The following ALPK1 variants were observed in gnomAD, a reference collection of about 807,000 sequenced individuals.
ALPK1 encodes the protein alpha kinase 1.
Under a neutral mutation model 120.6 loss-of-function variants are expected in ALPK1, and 110 were observed. The ratio of observed to expected loss-of-function variants is 0.91; its 90% CI spans 0.78 to 1.07. The LOEUF (loss-of-function observed/expected upper bound fraction) is 1.07. Ranked by LOEUF, ALPK1 falls within the 50% of genes least tolerant of loss-of-function variation. The pLI is 0.00. For missense variants in ALPK1, 1,498 were observed against 1,483.9 expected (o/e 1.01, Z -0.16); for synonymous variants, 582 against 560.3 (o/e 1.04, Z -0.55).
intron 7 of ALPK1, 27 bp downstream of exon 7, chr4:112,425,778 T>C: frequency 6.3e-7 from 1 of 1,575,266 alleles, no homozygotes; most frequent in Admixed American, 1.7e-5. Flanking sequence ...CTTGCATTTC[T>C]CAAGGCTCAT....
In ALPK1 at chr4:112,377,702, T is replaced by C. The variant is rs775080684; in HGVS notation, c.-76T>C. Reference sequence around the variant, plus strand: ...GGTACTTCGGCCTTCAAGGGGCTCCTTTATTGAGAATCAATGTCTTCTCCT... The same window carrying C: ...GGTACTTCGGCCTTCAAGGGGCTCCCTTATTGAGAATCAATGTCTTCTCCT... On this transcript the variant is annotated 5_prime_UTR_variant, in exon 3 of 16. Coordinates refer to ENST00000650871, the MANE Select transcript of ALPK1 (RefSeq NM_025144.4). 43 of 1,400,210 alleles carry C rather than the reference T, an allele frequency of 3.1e-5. No individual in the cohort carries two copies. The highest frequency in any genetic ancestry group is 1.6e-4 in the Admixed American group (7 of 44,032). The allele number at this position is 1,400,210 out of a possible 1,614,324, so 86.7% of individuals were successfully genotyped here.
chr4:112,406,909 A>G (rs1413210355), intron 4 of ALPK1, among the ~76,000 whole-genome samples: 1 of 152,190 alleles, frequency 6.6e-6, no homozygotes. Context: ...ACATTTCTAC[A>G]TGGCTGTCTA....
At chr4:112,325,086 T>C (rs1269836178) in intron 2 of ALPK1, among the ~76,000 whole-genome samples, 1 of 152,104 alleles carries the variant, frequency 6.6e-6, no homozygotes, top group African/African-American at 2.4e-5. Flanking sequence ...GTAGGCTACT[T>C]GGCTTTATAA....
chr4:112,425,519 G>A, intron 6 of ALPK1, 146 bp from the exon 7 acceptor site: 1 of 625,454 alleles, frequency 1.6e-6, no homozygotes, highest in Admixed American at 2.5e-5. Context: ...ACTACAGCAA[G>A]AAGTTTGGAC....
At chr4:112,327,302 C>T (rs996077622) in intron 2 of ALPK1, among the ~76,000 whole-genome samples, 2 of 152,144 alleles carry the variant, frequency 1.3e-5, no homozygotes, top group Non-Finnish European at 2.9e-5. Flanking sequence ...ATGAGAATAA[C>T]AAGACTTCAT....
Position 112,429,270 on chromosome 4 carries a change from G to T in ALPK1, c.900+17G>T, listed in dbSNP as rs748503256. ...ACAGCTGTGGTAAACGAATGCAGCC[G>T]CTCCTCAAACCCCCACAGGACCTCT... On this transcript the variant is annotated intron_variant, in intron 10 of 15. Transcript: ENST00000650871. The T allele has an allele frequency of 6.9e-6, 11 of 1,594,984 alleles. No individual in the cohort carries two copies. The highest frequency in any genetic ancestry group is 1.3e-5 in the African/African-American group (1 of 74,490).
chr4:112,368,511 G>T (rs6848584), intron 2 of ALPK1, among the ~76,000 whole-genome samples: 54,923 of 151,872 alleles, frequency 0.36, 10,217 homozygotes, highest in East Asian at 0.61. Flanking sequence ...TGTGACATTT[G>T]ATCAGGAGCT....
rs959032232 is a variant in ALPK1, at chr4:112,430,757, C to G, written c.1210C>G (p.Leu404Val). 1.2e-6 allele frequency: 2 copies of G among 1,614,220 alleles called. No individual in the cohort carries two copies. The highest frequency in any genetic ancestry group is 1.7e-6 in the Non-Finnish European group (2 of 1,180,044). Residue 404 changes from leucine to valine, a missense_variant, in exon 11 of 16, where the codon CTG becomes GTG. Physicochemically the swap from Leu to Val is conservative, Grantham distance 32. Coordinates refer to ENST00000650871, the MANE Select transcript of ALPK1 (RefSeq NM_025144.4). ...TSSRSQDREA[L>V]SQEVMSVIAQ... is the part of the protein sequence containing the mutation. Reference sequence around the variant, plus strand: ...CTCCAGAAGTCAGGACAGAGAAGCTCTGTCTCAAGAAGTTATGTCTGTGAT... The same window carrying G: ...CTCCAGAAGTCAGGACAGAGAAGCTGTGTCTCAAGAAGTTATGTCTGTGAT...
At chr4:112,339,806 C>T (rs1729781624) in intron 2 of ALPK1, among the ~76,000 whole-genome samples, 1 of 152,206 alleles carries the variant, frequency 6.6e-6, no homozygotes, top group Non-Finnish European at 1.5e-5. Flanking sequence ...TGTGACATCA[C>T]TGAATCTCTT....
rs1578495760 is a variant in ALPK1 at position 112,357,412 on chromosome 4, C to T, written c.-100-20266C>T. The T allele has an allele frequency of 5.8e-6, 4 of 695,456 alleles. No homozygotes were observed. In the East Asian group the frequency reaches 1.0e-4, roughly 18 times the overall value. 43.1% of individuals were successfully genotyped at this position (695,456 alleles called of 1,614,324 possible). A position where few individuals can be genotyped will look rare whatever the true frequency, so the allele number is the denominator to read the frequency against. ...TGCACATCCATCCTGATGCCAGTCA[C>T]CAGAGGGTGGTTCAGCCATCTGATG... On this transcript the variant is annotated intron_variant, in intron 2 of 15. Coordinates refer to ENST00000650871, the MANE Select transcript of ALPK1 (RefSeq NM_025144.4).
chr4:112,434,439 CA>C (rs1449491429), intron 11 of ALPK1, among the ~76,000 whole-genome samples: 1 of 152,186 alleles, frequency 6.6e-6, no homozygotes, highest in Non-Finnish European at 1.5e-5. Flanking sequence ...ACAATCTAGA[CA>C]AAAGTCTTTG....
chr4:112,426,325 A>G lies in ALPK1; in HGVS notation c.623-142A>G, dbSNP rs745586604. ...CAACTGGAAAAACATTGCTGTGTCA[A>G]TCTAATCTAAGCCTAAGTTTTCCTA... is the stretch of plus-strand genomic sequence containing the variant. On this transcript the variant is annotated intron_variant, in intron 7 of 15. Coordinates refer to ENST00000650871, the MANE Select transcript of ALPK1 (RefSeq NM_025144.4). 1.6e-5 allele frequency: 8 copies of G among 516,022 alleles called. No homozygotes were observed. In the East Asian group the frequency reaches 2.2e-4, roughly 14 times the overall value. The allele number at this position is 516,022 out of a possible 1,614,324, so 32.0% of individuals were successfully genotyped here. A position where few individuals can be genotyped will look rare whatever the true frequency, so the allele number is the denominator to read the frequency against.
At position 112,430,648 on chromosome 4, in the gene ALPK1, G is replaced by T. The variant is rs745594011; in HGVS notation, c.1101G>T (p.Arg367Ser). 6 of 1,614,042 alleles carry T rather than the reference G, an allele frequency of 3.7e-6. No individual in the cohort carries two copies. The highest frequency in any genetic ancestry group is 5.1e-6 in the Non-Finnish European group (6 of 1,180,030). Residue 367 changes from arginine (R) to serine (S), a missense_variant, in exon 11 of 16, where the codon AGG becomes AGT. Arg to Ser is a moderately radical substitution (Grantham distance 110, BLOSUM62 -1). Coordinates refer to ENST00000650871, the MANE Select transcript of ALPK1 (RefSeq NM_025144.4). ...TCGGTCTCACCACAGTGCACAGAAG[G>T]CTCCATGGGGAGACAGGGACGGTCC... Reference protein sequence around the residue: ...AAFGLTTVHRRLHGETGTVHA... With the variant: ...AAFGLTTVHRSLHGETGTVHA...
At chr4:112,304,191 A>G (rs1348694098) in intron 1 of ALPK1, among the ~76,000 whole-genome samples, 29 of 151,640 alleles carry the variant, frequency 1.9e-4, no homozygotes, top group Non-Finnish European at 4.1e-4. Context: ...GCTATTGTGA[A>G]TAGTGCCACA....
intron 2 of ALPK1, among the ~76,000 whole-genome samples, chr4:112,376,728 A>G (rs1048897657): frequency 1.3e-5 from 2 of 152,202 alleles, no homozygotes; most frequent in African/African-American, 4.8e-5. Flanking sequence ...AGCCATCCAT[A>G]TATCTGTTAC....
At chr4:112,366,815 T>G (rs1314501259) in intron 2 of ALPK1, among the ~76,000 whole-genome samples, 1 of 152,160 alleles carries the variant, frequency 6.6e-6, no homozygotes, top group Non-Finnish European at 1.5e-5. Flanking sequence ...CATCAATCAA[T>G]GAGTGGGTAA....
chr4:112,402,737 A>G (rs1732976437), intron 4 of ALPK1, among the ~76,000 whole-genome samples: 1 of 152,240 alleles, frequency 6.6e-6, no homozygotes, highest in South Asian at 2.1e-4. Context: ...CAGGAAAAAT[A>G]CAATTTGGTT....
intron 12 of ALPK1, 53 bp downstream of exon 12, chr4:112,435,354 TTC>T: frequency 6.5e-7 from 1 of 1,538,014 alleles, no homozygotes; most frequent in African/African-American, 1.4e-5. Flanking sequence ...AACCTTGCTC[TTC>T]TGTTAAGTAA....
intron 2 of ALPK1, among the ~76,000 whole-genome samples, chr4:112,322,022 CAG>C (rs1465831664): frequency 6.6e-6 from 1 of 152,160 alleles, no homozygotes; most frequent in African/African-American, 2.4e-5. Context: ...ACTTTACTGT[CAG>C]AAATTGCAGA....
Sources: allele counts gnomAD v4.1 joint callset (sites outside exome capture counted in the v4.1 genomes callset), GRCh38; gene constraint gnomAD v4.1.1; transcripts MANE v1.5; gene names NCBI Gene and HGNC (gene_info 2026-07-23, HGNC 2026-07-21).